TAS2R1: variants seen among roughly 807,000 people sequenced by gnomAD.
The protein encoded by TAS2R1 is taste receptor type 2 member 1.
For missense variants in TAS2R1, 370 were observed against 353.4 expected (o/e 1.05, Z -0.38); for synonymous variants, 141 against 134.2 (o/e 1.05, Z -0.35).
chr5:9,897,394 A>G, the TAS2R1 span, among the ~76,000 whole-genome samples: 381 of 152,332 alleles, frequency 2.5e-3, 3 homozygotes, highest in African/African-American at 8.3e-3. Flanking sequence ...GGTTGCAGTG[A>G]GCCGAGATCA....
chr5:9,655,320 G>T (rs1740387752), intron 2 of TAS2R1, among the ~76,000 whole-genome samples: 2 of 152,048 alleles, frequency 1.3e-5, no homozygotes, highest in South Asian at 4.1e-4. Flanking sequence ...ATTGGGAAAG[G>T]TTTAACATTT....
At chr5:9,707,551 T>C (rs194067) in intron 1 of TAS2R1, among the ~76,000 whole-genome samples, 79,161 of 151,968 alleles carry the variant, frequency 0.52, 20,945 homozygotes, top group Non-Finnish European at 0.57. Flanking sequence ...GGCGTGGTGG[T>C]GTGTGCCTGT....
At chr5:9,768,074 T>C in the TAS2R1 span, among the ~76,000 whole-genome samples, 6 of 152,170 alleles carry the variant, frequency 3.9e-5, no homozygotes, top group Admixed American at 1.3e-4. Flanking sequence ...CTGCATCTGC[T>C]GTCAGGAGCC....
At chr5:9,643,089 T>C (rs925228397) in intron 2 of TAS2R1, among the ~76,000 whole-genome samples, 1 of 152,070 alleles carries the variant, frequency 6.6e-6, no homozygotes, top group Non-Finnish European at 1.5e-5. Context: ...ACACTTATTG[T>C]TTGTATTATG....
the TAS2R1 span, among the ~76,000 whole-genome samples, chr5:9,753,807 C>T: frequency 1.3e-5 from 2 of 152,158 alleles, no homozygotes; most frequent in Non-Finnish European, 2.9e-5. Flanking sequence ...AATAGGGAAT[C>T]GTTTCTCCAT....
the TAS2R1 span, among the ~76,000 whole-genome samples, chr5:9,887,888 C>A: frequency 6.6e-6 from 1 of 152,178 alleles, no homozygotes; most frequent in Admixed American, 6.5e-5. Context: ...TGCGTGGAAT[C>A]TCCAAAGCTA....
the TAS2R1 span, among the ~76,000 whole-genome samples, chr5:9,892,204 A>G: frequency 6.6e-6 from 1 of 152,152 alleles, no homozygotes; most frequent in Non-Finnish European, 1.5e-5. Context: ...TCTTGCCTAG[A>G]TATCAAAGCA....
At chr5:9,808,699 C>T in the TAS2R1 span, among the ~76,000 whole-genome samples, 1 of 152,076 alleles carries the variant, frequency 6.6e-6, no homozygotes, top group Non-Finnish European at 1.5e-5. Flanking sequence ...CAAACATATA[C>T]CATTCCTCAG....
chr5:9,886,413 C>T, the TAS2R1 span, among the ~76,000 whole-genome samples: 8 of 145,252 alleles, frequency 5.5e-5, no homozygotes, highest in South Asian at 1.7e-3. Flanking sequence ...TGGCTCACTG[C>T]AAACTCCACC....
the TAS2R1 span, among the ~76,000 whole-genome samples, chr5:9,845,958 G>A: frequency 1.3e-5 from 2 of 152,142 alleles, no homozygotes; most frequent in South Asian, 4.1e-4. Flanking sequence ...CAAATAAAAT[G>A]TAAAGGAATA....
At chr5:9,645,990 T>C (rs13154321) in intron 2 of TAS2R1, among the ~76,000 whole-genome samples, 1 of 152,154 alleles carries the variant, frequency 6.6e-6, no homozygotes, top group Non-Finnish European at 1.5e-5. Context: ...GAAATAGTTG[T>C]GGACTATTAT....
chr5:9,719,535 C>T, the TAS2R1 span, among the ~76,000 whole-genome samples: 203 of 152,330 alleles, frequency 1.3e-3, no homozygotes, highest in African/African-American at 4.5e-3. Context: ...GGCCCCAGTG[C>T]TTCCTTAAAT....
the TAS2R1 span, among the ~76,000 whole-genome samples, chr5:9,895,284 C>T: frequency 4.6e-5 from 7 of 152,164 alleles, no homozygotes; most frequent in African/African-American, 1.7e-4. Context: ...TTTCTTCCTG[C>T]TTTGAAAGTG....
At chr5:9,856,650 T>A in the TAS2R1 span, among the ~76,000 whole-genome samples, 207 of 152,328 alleles carry the variant, frequency 1.4e-3, 2 homozygotes, top group Middle Eastern at 0.014. Context: ...ATATTCTCTC[T>A]ATAGAGAAAA....
intron 2 of TAS2R1, among the ~76,000 whole-genome samples, chr5:9,651,898 T>C (rs1203535994): frequency 6.6e-6 from 1 of 152,120 alleles, no homozygotes; most frequent in African/African-American, 2.4e-5. Flanking sequence ...TGGGCGTCCA[T>C]CTCCCCATCT....
chr5:9,829,169 A>G, the TAS2R1 span, among the ~76,000 whole-genome samples: 1 of 152,256 alleles, frequency 6.6e-6, no homozygotes, highest in Non-Finnish European at 1.5e-5. Flanking sequence ...GAGAAAAATT[A>G]CGGCAAAGTA....
At chr5:9,666,151 C>G (rs1435397908) in intron 1 of TAS2R1, among the ~76,000 whole-genome samples, 1 of 151,806 alleles carries the variant, frequency 6.6e-6, no homozygotes, top group Non-Finnish European at 1.5e-5. Flanking sequence ...AGAGATTTTT[C>G]AAAATATGTT....
At chr5:9,817,281 T>C in the TAS2R1 span, among the ~76,000 whole-genome samples, 1 of 152,204 alleles carries the variant, frequency 6.6e-6, no homozygotes, top group East Asian at 1.9e-4. Flanking sequence ...GGAATGAGAT[T>C]AGATTTTATT....
chr5:9,742,546 T>C, the TAS2R1 span, among the ~76,000 whole-genome samples: 1 of 152,228 alleles, frequency 6.6e-6, no homozygotes, highest in Non-Finnish European at 1.5e-5. Context: ...TCTTTGAACC[T>C]GACTCTACCT....
Sources: gnomAD v4.1 joint callset for allele counts (sites outside exome capture counted in the v4.1 genomes callset) on GRCh38, gnomAD v4.1.1 for gene constraint, MANE v1.5 for transcripts, NCBI Gene and HGNC (gene_info 2026-07-23, HGNC 2026-07-21) for gene names.